The following GUF1 variants were observed in gnomAD, a reference collection of about 807,000 sequenced individuals.
The protein encoded by GUF1 is translation factor GUF1, mitochondrial.
GUF1 carries 78 observed loss-of-function variants against 82.4 expected under a neutral mutation model. That is an observed-to-expected ratio of 0.95 (90% CI 0.79 to 1.14). The LOEUF is 1.14. Among genes scored for constraint, GUF1 ranks in the 50% most tolerant of loss-of-function variants. The pLI is 0.00. For synonymous variants in GUF1, 279 were observed against 282.3 expected (o/e 0.99, Z 0.12); for missense variants, 814 against 798.2 (o/e 1.02, Z -0.24).
At chr4:44,698,485 CAT>C in intron 16 of GUF1, 57 bp from the exon 17 acceptor site, 5 of 1,340,450 alleles carry the variant, frequency 3.7e-6, no homozygotes, top group Middle Eastern at 2.0e-4. Flanking sequence ...CCGCTGTAAT[CAT>C]ATGATTGTTT....
chr4:44,682,077 T>G (rs574820138), intron 4 of GUF1: 19 of 273,636 alleles, frequency 6.9e-5, no homozygotes, highest in African/African-American at 3.5e-4. Context: ...GCTTCCTATC[T>G]CAAGCTTAGT....
At position 44,687,992 on chromosome 4, in the gene GUF1, A is replaced by G; in HGVS notation, c.939-15A>G. 1 of 1,601,918 alleles carries G rather than the reference A, an allele frequency of 6.2e-7. No individual in the cohort carries two copies. Among genetic ancestry groups the G allele is most frequent in the Admixed American group, 1.7e-5 (1 of 58,630 alleles). ...ATTAAAGCAGTAAATATTTGCATATAATAATTTTATTTAGATATGCAGGAC... is the reference window on the plus strand; with the variant it reads ...ATTAAAGCAGTAAATATTTGCATATGATAATTTTATTTAGATATGCAGGAC... On this transcript the variant is annotated splice_polypyrimidine_tract_variant and intron_variant, in intron 8 of 16. Coordinates refer to ENST00000281543, the MANE Select transcript of GUF1 (RefSeq NM_021927.3).
chr4:44,692,824 G>A (rs1343237257), intron 13 of GUF1, among the ~76,000 whole-genome samples: 1 of 151,876 alleles, frequency 6.6e-6, no homozygotes, highest in African/African-American at 2.4e-5. Flanking sequence ...AAAGTAAAAT[G>A]AATTGAGGGG....
rs1715279428 is a variant in GUF1 at position 44,689,379 on chromosome 4, A to G, written c.1172A>G (p.Asp391Gly). The change falls in exon 10 of 17, where the codon GAT (aspartate) becomes GGT (glycine). Residue 391 changes from aspartate (D) to glycine (G), a missense_variant. Transcript: ENST00000281543. ...LNDSSVTVHRDSSLALGAGWR... is the reference protein window; with the variant it reads ...LNDSSVTVHRGSSLALGAGWR... The stretch of plus-strand genomic sequence containing the variant: ...GATTCCAGTGTGACCGTTCATCGGG[A>G]TAGTAGCCTTGCTCTGGGTGCTGGC... The G allele has an allele frequency of 6.2e-7, 1 of 1,608,262 alleles. No homozygotes were observed. The highest frequency in any genetic ancestry group is 2.2e-5 in the East Asian group (1 of 44,608).
Position 44,694,445 on chromosome 4 carries a change from A to G in GUF1, c.1647A>G (p.Ala549=). ...FDYEDAGYQT[A]ELVKMDILLN... The stretch of plus-strand genomic sequence containing the variant: ...ACGAAGATGCAGGCTACCAGACTGC[A>G]GAACTTGTAAAAATGGATATTCTAC... Residue 549 remains alanine, a synonymous_variant, in exon 14 of 17, where the codon GCA becomes GCG. Coordinates refer to ENST00000281543, the MANE Select transcript of GUF1 (RefSeq NM_021927.3). The G allele has an allele frequency of 1.2e-6, 2 of 1,612,802 alleles. No individual in the cohort carries two copies. Among genetic ancestry groups the G allele is most frequent in the Non-Finnish European group, 1.7e-6 (2 of 1,179,086 alleles).
chr4:44,678,733 G>A lies in GUF1; in HGVS notation c.111G>A (p.Gly37=), dbSNP rs971261108. The change falls in exon 1 of 17, where the codon GGG becomes GGA. Residue 37 remains glycine (G), a synonymous_variant. Coordinates refer to ENST00000281543, the MANE Select transcript of GUF1 (RefSeq NM_021927.3). ...APGPRSAPTL[G]AAPESWATDR... ...GGCCCCGGTCCGCGCCGACCCTTGG[G>A]GCTGCTCCAGAGTCCTGGGCTACCG... is the stretch of plus-strand genomic sequence containing the variant. 6.5e-7 allele frequency: 1 copy of A among 1,532,138 alleles called. No individual in the cohort carries two copies. The highest frequency in any genetic ancestry group is 2.4e-5 in the Admixed American group (1 of 41,984). 94.9% of individuals were successfully genotyped at this position (1,532,138 alleles called of 1,614,324 possible). A position where few individuals can be genotyped will look rare whatever the true frequency, so the allele number is the denominator to read the frequency against.
chr4:44,680,382 A>G (rs1037270401), intron 1 of GUF1, 59 bp from the exon 2 acceptor site: 11 of 694,672 alleles, frequency 1.6e-5, no homozygotes, highest in East Asian at 8.1e-5. Flanking sequence ...TTGAATTGGT[A>G]TACTTGTTTG....
Position 44,691,704 on chromosome 4 carries a change from T to C in GUF1, c.1518T>C (p.Asp506=), listed in dbSNP as rs2109657583. ...TTCAGAAGAATATGATATTTATTGA[T>C]CAAAATAGAGTTATGCTTAAATATC... ...RAVQKNMIFI[D]QNRVMLKYLF... The change falls in exon 13 of 17, where the codon GAT becomes GAC. Residue 506 remains aspartate (D), a synonymous_variant. Transcript: ENST00000281543. The C allele has an allele frequency of 6.3e-7, 1 of 1,589,860 alleles. No individual in the cohort carries two copies. Among genetic ancestry groups the C allele is most frequent in the Non-Finnish European group, 8.6e-7 (1 of 1,164,392 alleles).
At chr4:44,688,708 A>G (rs1715224536) in intron 9 of GUF1, among the ~76,000 whole-genome samples, 1 of 151,962 alleles carries the variant, frequency 6.6e-6, no homozygotes, top group Admixed American at 6.6e-5. Flanking sequence ...ACTGGGAATT[A>G]GGAACTTTGT....
chr4:44,683,239 A>T lies in GUF1; in HGVS notation c.590A>T (p.Asp197Val). ...AATGGATTTTTTTTTTTAAAGATAG[A>T]TCTGAAGAATGCTGATCCTGAAAGG... ...LSVIPVINKI[D>V]LKNADPERVE... The change falls in exon 6 of 17, where the codon GAT becomes GTT. Residue 197 changes from aspartate (D) to valine (V), a missense_variant. By Grantham distance (152) the Asp-to-Val change is radical. Coordinates refer to ENST00000281543, the MANE Select transcript of GUF1 (RefSeq NM_021927.3). The T allele has an allele frequency of 1.3e-6, 2 of 1,557,682 alleles. No homozygotes were observed. Among genetic ancestry groups the T allele is most frequent in the East Asian group, 4.6e-5 (2 of 43,348 alleles).
chr4:44,685,439 C>T lies in GUF1; in HGVS notation c.670-520C>T, dbSNP rs373763323. Among the ~76,000 whole-genome samples, 5 of 152,106 alleles carry T rather than the reference C, an allele frequency of 3.3e-5. No individual in the cohort carries two copies. In the East Asian group the frequency reaches 7.7e-4, roughly 24 times the overall value. On this transcript the variant is annotated intron_variant, in intron 6 of 16. Coordinates refer to ENST00000281543, the MANE Select transcript of GUF1 (RefSeq NM_021927.3). The stretch of plus-strand genomic sequence containing the variant: ...TTGAAGTCAGGATTTCAGAGATAGT[C>T]CATTTATTACCAGTGATAAAGGTCA...
Position 44,698,556 on chromosome 4 carries a change from A to G in GUF1, c.1885A>G (p.Ile629Val). 1 of 1,596,490 alleles carries G rather than the reference A, an allele frequency of 6.3e-7. No homozygotes were observed. The highest frequency in any genetic ancestry group is 8.5e-7 in the Non-Finnish European group (1 of 1,175,122). The stretch of plus-strand genomic sequence containing the variant: ...AAATATTTTTCAGTATGGTGGTGAT[A>G]TTACCCGAAAAATGAAGCTTTTGAA... ...NVLAKCYGGD[I>V]TRKMKLLKRQ... The change falls in exon 17 of 17, where the codon ATT becomes GTT. Residue 629 changes from isoleucine (I) to valine (V), a missense_variant. Coordinates refer to ENST00000281543, the MANE Select transcript of GUF1 (RefSeq NM_021927.3).
chr4:44,686,511 C>T lies in GUF1; in HGVS notation c.736C>T (p.Pro246Ser). The change falls in exon 8 of 17, where the codon CCT (proline) becomes TCT (serine). Residue 246 changes from proline (P) to serine (S), a missense_variant and splice_region_variant. Coordinates refer to ENST00000281543, the MANE Select transcript of GUF1 (RefSeq NM_021927.3). ...TTACTTTTTACTTATATTTACTAGT[C>T]CTAAAGTGCATCGCAAAAATCCTCT... ...LQAIIERIPPPKVHRKNPLRA... is the reference protein window; with the variant it reads ...LQAIIERIPPSKVHRKNPLRA... 1 of 1,604,030 alleles carries T rather than the reference C, an allele frequency of 6.2e-7. No homozygotes were observed. Among genetic ancestry groups the T allele is most frequent in the Non-Finnish European group, 8.5e-7 (1 of 1,171,960 alleles).
At chr4:44,691,195 A>C (rs574200528) in intron 12 of GUF1, among the ~76,000 whole-genome samples, 14 of 151,702 alleles carry the variant, frequency 9.2e-5, no homozygotes, top group African/African-American at 3.1e-4. Context: ...ATTTGAAGGT[A>C]CTCCCATTTT....
Position 44,686,042 on chromosome 4 carries a change from T to G in GUF1, c.734+19T>G, listed in dbSNP as rs1394256097. On this transcript the variant is annotated intron_variant, in intron 7 of 16. Coordinates refer to ENST00000281543, the MANE Select transcript of GUF1 (RefSeq NM_021927.3). ...TCCCCCCGTGAGTATTTGGTGATTT[T>G]TGTACTAGTTGTCTCTATTTAATAG... 1 of 1,509,572 alleles carries G rather than the reference T, an allele frequency of 6.6e-7. No individual in the cohort carries two copies. The allele number at this position is 1,509,572 out of a possible 1,614,324, so 93.5% of individuals were successfully genotyped here. A position where few individuals can be genotyped will look rare whatever the true frequency, so the allele number is the denominator to read the frequency against.
intron 11 of GUF1, among the ~76,000 whole-genome samples, chr4:44,690,511 T>TA (rs538604783): frequency 4.5e-4 from 68 of 151,792 alleles, no homozygotes; most frequent in Non-Finnish European, 6.3e-4. Context: ...AGTGTCAGGT[T>TA]AAAGTGTATT....
chr4:44,679,806 C>T (rs544350910), intron 1 of GUF1, among the ~76,000 whole-genome samples: 1 of 152,166 alleles, frequency 6.6e-6, no homozygotes, highest in East Asian at 1.9e-4. Context: ...TGCTTGATAA[C>T]AATTTCTAGC....
chr4:44,682,337 A>G lies in GUF1; in HGVS notation c.511A>G (p.Ile171Val). 6.6e-7 allele frequency: 1 copy of G among 1,518,926 alleles called. No individual in the cohort carries two copies. The highest frequency in any genetic ancestry group is 1.3e-5 in the South Asian group (1 of 76,280). 94.1% of individuals were successfully genotyped at this position (1,518,926 alleles called of 1,614,324 possible). The stretch of plus-strand genomic sequence containing the variant: ...TCTTGTATCTTGATATTTTCAGGGA[A>G]TTCAAGCCCAAACTGTAGCAAACTT... ...VLLVVDANEG[I>V]QAQTVANFFL... The change falls in exon 5 of 17, where the codon ATT (isoleucine) becomes GTT (valine). Residue 171 changes from isoleucine (I) to valine (V), a missense_variant. Coordinates refer to ENST00000281543, the MANE Select transcript of GUF1 (RefSeq NM_021927.3).
chr4:44,681,007 CAA>C (rs1714741796), intron 3 of GUF1, 114 bp from the exon 4 acceptor site: 1 of 1,159,656 alleles, frequency 8.6e-7, no homozygotes, highest in African/African-American at 1.5e-5. Flanking sequence ...GTGCAGGCTA[CAA>C]AAAAGAAACG....
Sources: gnomAD v4.1 joint callset for allele counts (sites outside exome capture counted in the v4.1 genomes callset) on GRCh38, gnomAD v4.1.1 for gene constraint, MANE v1.5 for transcripts, NCBI Gene and HGNC (gene_info 2026-07-23, HGNC 2026-07-21) for gene names.